The following SHISA6 variants were observed in gnomAD, a reference collection of about 807,000 sequenced individuals.
SHISA6 encodes shisa family member 6, also known as protein shisa-6.
In SHISA6, 22 loss-of-function variants were observed where a neutral mutation model predicts 47.9. The ratio of observed to expected loss-of-function variants is 0.46; its 90% CI spans 0.33 to 0.66. The LOEUF is 0.66. Among genes scored for constraint, SHISA6 ranks in the 30% least tolerant of loss-of-function variants. The pLI, the probability that SHISA6 is intolerant of heterozygous loss-of-function variation, is 0.02. For missense variants in SHISA6, 680 were observed against 764.6 expected, an observed-to-expected ratio of 0.89 and a Z score of 1.30; for synonymous variants, 388 against 337.8, an observed-to-expected ratio of 1.15 and a Z score of -1.63.
intron 3 of SHISA6, among the ~76,000 whole-genome samples, chr17:11,448,714 C>A (rs993424167): frequency 6.6e-5 from 10 of 151,778 alleles, no homozygotes; most frequent in African/African-American, 2.2e-4. Context: ...TAATCCCAGC[C>A]ACTCAGGAGG....
intron 2 of SHISA6, among the ~76,000 whole-genome samples, chr17:11,317,714 T>C (rs1021838038): frequency 6.6e-6 from 1 of 152,008 alleles, no homozygotes; most frequent in South Asian, 2.1e-4. Flanking sequence ...TTCTTTTGCT[T>C]TTATTTTTGT....
At chr17:11,286,588 G>C (rs1193021951) in intron 2 of SHISA6, among the ~76,000 whole-genome samples, 1 of 152,134 alleles carries the variant, frequency 6.6e-6, no homozygotes, top group African/African-American at 2.4e-5. Context: ...AATCGTAGCT[G>C]TTACTAGGAA....
At chr17:11,302,541 C>T (rs1475754320) in intron 2 of SHISA6, among the ~76,000 whole-genome samples, 1 of 152,078 alleles carries the variant, frequency 6.6e-6, no homozygotes, top group Non-Finnish European at 1.5e-5. Flanking sequence ...CATGAACGTG[C>T]CAGAAACAGG....
chr17:11,318,910 C>A (rs986772343), intron 2 of SHISA6, among the ~76,000 whole-genome samples: 2 of 152,132 alleles, frequency 1.3e-5, no homozygotes, highest in East Asian at 3.8e-4. Context: ...TTTGCTCAAA[C>A]TATCTGCAGT....
intron 3 of SHISA6, among the ~76,000 whole-genome samples, chr17:11,457,678 T>G (rs1360890394): frequency 6.8e-6 from 1 of 147,334 alleles, no homozygotes; most frequent in Non-Finnish European, 1.5e-5. Context: ...GTGGTGGAGG[T>G]TGCAGTAAGC....
intron 2 of SHISA6, among the ~76,000 whole-genome samples, chr17:11,299,644 C>T (rs1909855238): frequency 6.6e-6 from 1 of 152,160 alleles, no homozygotes; most frequent in Non-Finnish European, 1.5e-5. Context: ...CATATGCATT[C>T]ATTGGCTTAC....
chr17:11,342,117 G>T (rs544023795), intron 2 of SHISA6, among the ~76,000 whole-genome samples: 1 of 152,098 alleles, frequency 6.6e-6, no homozygotes. Context: ...GGTGATGGGG[G>T]AGAAGCCTCC....
In SHISA6 at chr17:11,557,974, C is replaced by T. The variant is rs1447411187; in HGVS notation, c.1326C>T (p.Ser442=). The change falls in exon 6 of 6, where the codon TCC becomes TCT. Residue 442 remains serine (S), a synonymous_variant. Transcript: ENST00000441885. ...EFSMPYDRIL[S]DEQLLSTERL... ...GCATGCCCTACGACCGCATCCTGTC[C>T]GACGAGCAGCTGCTCTCCACGGAGC... The T allele has an allele frequency of 8.4e-6, 13 of 1,551,364 alleles. No individual in the cohort carries two copies. In the South Asian group the frequency reaches 9.5e-5, roughly 11 times the overall value.
Position 11,561,131 on chromosome 17 carries a change from TC to T in SHISA6, c.*2828del, listed in dbSNP as rs1456860824. The T allele has an allele frequency of 6.6e-6, 1 of 152,134 alleles. No homozygotes were observed. The highest frequency in any genetic ancestry group is 1.5e-5 in the Non-Finnish European group (1 of 68,042). The allele number at this position is 152,134 out of a possible 1,614,324, so 9.4% of individuals were successfully genotyped here. ...GTTCACGTAGCAGATAAAAGAGGCT[TC>T]TGGGGCTGGAACCTAGATGCCATGA... is the stretch of plus-strand genomic sequence containing the variant. On this transcript the variant is annotated 3_prime_UTR_variant, in exon 6 of 6. Transcript: ENST00000441885.
chr17:11,249,338 G>A (rs1907715797), intron 1 of SHISA6, among the ~76,000 whole-genome samples: 1 of 151,902 alleles, frequency 6.6e-6, no homozygotes, highest in Non-Finnish European at 1.5e-5. Flanking sequence ...GTGTGTATAT[G>A]TGTGTGTGAT....
rs990403470 is a variant in SHISA6, at chr17:11,563,039, G to A, written c.*4735G>A. 2.6e-5 allele frequency: 4 copies of A among 152,278 alleles called. No homozygotes were observed. The highest frequency in any genetic ancestry group is 6.5e-5 in the Admixed American group (1 of 15,286). The allele number at this position is 152,278 out of a possible 1,614,324, so 9.4% of individuals were successfully genotyped here. On this transcript the variant is annotated 3_prime_UTR_variant, in exon 6 of 6. Coordinates refer to ENST00000441885, the MANE Select transcript of SHISA6 (RefSeq NM_207386.4). ...ACTGTGGAATTCTGGGGAATTCTGAGTTTGGAGTTTCCATTTGGATACGGT... is the reference window on the plus strand; with the variant it reads ...ACTGTGGAATTCTGGGGAATTCTGAATTTGGAGTTTCCATTTGGATACGGT...
intron 2 of SHISA6, among the ~76,000 whole-genome samples, chr17:11,370,982 G>A (rs1407038535): frequency 4.6e-5 from 7 of 152,156 alleles, no homozygotes; most frequent in Admixed American, 3.3e-4. Flanking sequence ...GAGATCTTTG[G>A]GGTGCCCAGA....
At chr17:11,456,106 T>C (rs768134158) in intron 3 of SHISA6, among the ~76,000 whole-genome samples, 5 of 152,210 alleles carry the variant, frequency 3.3e-5, no homozygotes, top group Non-Finnish European at 7.3e-5. Flanking sequence ...CTTTATGAGA[T>C]GAGTCATGAA....
intron 3 of SHISA6, among the ~76,000 whole-genome samples, chr17:11,388,839 T>TATATA (rs1555532195): frequency 2.4e-4 from 25 of 102,278 alleles, no homozygotes; most frequent in African/African-American, 1.1e-3. Flanking sequence ...TATATATATA[T>TATATA]ATTTTAAAAA....
At chr17:11,290,111 G>A (rs958809835) in intron 2 of SHISA6, 1 of 151,894 alleles carries the variant, frequency 6.6e-6, no homozygotes, top group Non-Finnish European at 1.5e-5. Context: ...AATTTCAATT[G>A]GATTGGCTCT....
At chr17:11,391,853 C>T (rs1356309667) in intron 3 of SHISA6, among the ~76,000 whole-genome samples, 1 of 152,178 alleles carries the variant, frequency 6.6e-6, no homozygotes, top group East Asian at 1.9e-4. Flanking sequence ...GCTTTTCCCC[C>T]AGAGGATGTC....
chr17:11,524,170 T>TG (rs1249831749), intron 3 of SHISA6, among the ~76,000 whole-genome samples: 1 of 152,170 alleles, frequency 6.6e-6, no homozygotes, highest in African/African-American at 2.4e-5. Flanking sequence ...TTCTGCCATC[T>TG]GGTAATAGGG....
At chr17:11,309,968 T>C (rs1211586471) in intron 2 of SHISA6, among the ~76,000 whole-genome samples, 1 of 152,234 alleles carries the variant, frequency 6.6e-6, no homozygotes, top group African/African-American at 2.4e-5. Flanking sequence ...TCCAGCACTT[T>C]TCAGGCTTCA....
At chr17:11,551,757 AC>A in intron 3 of SHISA6, 138 bp from the exon 4 acceptor site, 1 of 718,556 alleles carries the variant, frequency 1.4e-6, no homozygotes, top group South Asian at 1.9e-5. Context: ...GGAGCCTCAT[AC>A]AATGACCTCT....
Sources: allele counts gnomAD v4.1 joint callset (sites outside exome capture counted in the v4.1 genomes callset), GRCh38; gene constraint gnomAD v4.1.1; transcripts MANE v1.5; gene names NCBI Gene and HGNC (gene_info 2026-07-23, HGNC 2026-07-21).